The following KLHL28 variants were observed in gnomAD, a reference collection of about 807,000 sequenced individuals.
KLHL28 encodes the protein kelch-like protein 28.
Under a neutral mutation model 48.3 loss-of-function variants are expected in KLHL28, and 22 were observed. The observed-to-expected ratio is 0.46, with a 90% CI of 0.33 to 0.65. KLHL28 has a LOEUF of 0.65. KLHL28 is among the 30% of genes least tolerant of loss of function. The probability of loss-of-function intolerance (pLI) is 0.03; values close to 1 mark genes in which losing one functional copy is unlikely to be tolerated. For synonymous variants in KLHL28, 243 were observed against 242.4 expected (o/e 1.00, Z -0.02); for missense variants, 527 against 704.3 (o/e 0.75, Z 2.85).
chr14:44,952,016 G>A (rs1209342565), intron 1 of KLHL28, among the ~76,000 whole-genome samples: 3 of 151,866 alleles, frequency 2.0e-5, no homozygotes, highest in African/African-American at 4.8e-5. Flanking sequence ...ACATCACCAC[G>A]CCCGACTAGT....
intron 1 of KLHL28, among the ~76,000 whole-genome samples, chr14:44,958,562 G>A (rs1008473872): frequency 6.6e-6 from 1 of 152,040 alleles, no homozygotes; most frequent in African/African-American, 2.4e-5. Flanking sequence ...TTCTATCAGT[G>A]AGCCTATGGA....
intron 1 of KLHL28, among the ~76,000 whole-genome samples, chr14:44,946,825 G>C (rs925019040): frequency 6.6e-6 from 1 of 151,990 alleles, no homozygotes; most frequent in Non-Finnish European, 1.5e-5. Context: ...CAAAGTGCGG[G>C]GATTACAGGC....
rs1396810570 is a variant in KLHL28, at chr14:44,924,372, C to A, written c.*4656G>T. 6.6e-6 allele frequency: 1 copy of A among 152,074 alleles called. No homozygotes were observed. Among genetic ancestry groups the A allele is most frequent in the Non-Finnish European group, 1.5e-5 (1 of 67,996 alleles). 9.4% of individuals were successfully genotyped at this position (152,074 alleles called of 1,614,324 possible). ...ACATTTTACATTAAATGAAATTTAA[C>A]CATAATAATTACAGAACATTACCAC... On this transcript the variant is annotated 3_prime_UTR_variant, in exon 5 of 5. Transcript: ENST00000396128.
intron 2 of KLHL28, among the ~76,000 whole-genome samples, chr14:44,939,970 A>C: frequency 6.6e-6 from 1 of 152,290 alleles, no homozygotes; most frequent in South Asian, 2.1e-4. Flanking sequence ...TCTGCTGCTA[A>C]TACAAAATAC....
intron 1 of KLHL28, chr14:44,960,805 T>A (rs1398105847): frequency 1.9e-6 from 1 of 530,610 alleles, no homozygotes; most frequent in Non-Finnish European, 3.0e-6. Context: ...TTGCATCAGC[T>A]GGGAGCATTA....
chr14:44,950,753 C>G (rs567764745), intron 1 of KLHL28, among the ~76,000 whole-genome samples: 2 of 152,260 alleles, frequency 1.3e-5, no homozygotes, highest in South Asian at 2.1e-4. Context: ...ATATGCCTTT[C>G]TATGTGCTGG....
chr14:44,934,556 A>C lies in KLHL28; in HGVS notation c.902T>G (p.Val301Gly). 1 of 1,555,406 alleles carries C rather than the reference A, an allele frequency of 6.4e-7. No homozygotes were observed. The change falls in exon 3 of 5, where the codon GTG (valine) becomes GGG (glycine). Residue 301 changes from valine to glycine, a missense_variant and splice_region_variant. Transcript: ENST00000396128. Reference protein sequence around the residue: ...KSGLFACLDSVEMYFPQNDSW... With the variant: ...KSGLFACLDSGEMYFPQNDSW... ...GTCATTCTGAGGAAAGTACATCTCC[A>C]CACTAAAGAATAAGCAGAAAAAATA... is the stretch of plus-strand genomic sequence containing the variant.
intron 4 of KLHL28, among the ~76,000 whole-genome samples, chr14:44,930,418 C>T (rs1211150072): frequency 6.6e-6 from 1 of 152,080 alleles, no homozygotes; most frequent in Non-Finnish European, 1.5e-5. Context: ...GCATGTGCCA[C>T]CGCACCAGGC....
At chr14:44,938,219 C>T (rs1362131400) in intron 2 of KLHL28, among the ~76,000 whole-genome samples, 1 of 152,158 alleles carries the variant, frequency 6.6e-6, no homozygotes, top group Non-Finnish European at 1.5e-5. Context: ...TCCCTTCCTG[C>T]TGTGAGCCTG....
rs1450831500 is a variant in KLHL28, at chr14:44,929,193, T to C, written c.1553-2A>G. The C allele has an allele frequency of 1.3e-6, 2 of 1,591,984 alleles. No homozygotes were observed. Among genetic ancestry groups the C allele is most frequent in the Admixed American group, 1.8e-5 (1 of 56,852 alleles). On this transcript the variant is annotated splice_acceptor_variant, in intron 4 of 4. Coordinates refer to ENST00000396128, the MANE Select transcript of KLHL28 (RefSeq NM_017658.5). LOFTEE classifies it high-confidence loss of function. The stretch of plus-strand genomic sequence containing the variant: ...TATCGATTACAGCAGCACCAACTCC[T>C]AGGAAAGGTTGGCAAAAAGAAGATA...
Position 44,928,871 on chromosome 14 carries a change from T to G in KLHL28, c.*157A>C. On this transcript the variant is annotated 3_prime_UTR_variant, in exon 5 of 5. Transcript: ENST00000396128. ...TGTAATCAAGAGCAACCAAAACTAC[T>G]TCTCAATTAAAAGTACCCAACAAAA... 1 of 564,744 alleles carries G rather than the reference T, an allele frequency of 1.8e-6. No homozygotes were observed. Among genetic ancestry groups the G allele is most frequent in the Non-Finnish European group, 3.1e-6 (1 of 322,400 alleles). 35.0% of individuals were successfully genotyped at this position (564,744 alleles called of 1,614,324 possible).
chr14:44,936,567 G>A (rs544142881), intron 2 of KLHL28, among the ~76,000 whole-genome samples: 1 of 152,266 alleles, frequency 6.6e-6, no homozygotes, highest in South Asian at 2.1e-4. Context: ...AGCAGAAGGT[G>A]TCAGACATGA....
rs1468359428 is a variant in KLHL28, at chr14:44,928,607, A to G, written c.*421T>C. On this transcript the variant is annotated 3_prime_UTR_variant, in exon 5 of 5. Transcript: ENST00000396128. The stretch of plus-strand genomic sequence containing the variant: ...AAGAAGCAGTATCAGCACTCTGTCC[A>G]TTCATTCAATACACTCCAGCACCTA... 1 of 151,842 alleles carries G rather than the reference A, an allele frequency of 6.6e-6. No individual in the cohort carries two copies. The highest frequency in any genetic ancestry group is 1.5e-5 in the Non-Finnish European group (1 of 68,234). The allele number at this position is 151,842 out of a possible 1,614,324, so 9.4% of individuals were successfully genotyped here. A position where few individuals can be genotyped will look rare whatever the true frequency, so the allele number is the denominator to read the frequency against.
At chr14:44,955,497 G>C (rs1475755011) in intron 1 of KLHL28, among the ~76,000 whole-genome samples, 2 of 152,138 alleles carry the variant, frequency 1.3e-5, no homozygotes, top group East Asian at 1.9e-4. Context: ...AGACACATTT[G>C]GAATCTAAAT....
At chr14:44,937,910 C>T (rs1210880332) in intron 2 of KLHL28, among the ~76,000 whole-genome samples, 9 of 152,150 alleles carry the variant, frequency 5.9e-5, no homozygotes, top group Admixed American at 5.9e-4. Flanking sequence ...TGGTATTAAC[C>T]CCTTCAAGAG....
chr14:44,940,566 C>T (rs1011791168), intron 2 of KLHL28, among the ~76,000 whole-genome samples: 1 of 152,162 alleles, frequency 6.6e-6, no homozygotes, highest in African/African-American at 2.4e-5. Context: ...ACCCAATCCC[C>T]ACTTTCTTCT....
chr14:44,955,068 T>G lies in KLHL28; in HGVS notation c.-1+6778A>C, dbSNP rs200577505. The stretch of plus-strand genomic sequence containing the variant: ...AAAGCAAATGAGTAATGATATGATA[T>G]TCTATCAACCCTAGGGTCACTGTGA... On this transcript the variant is annotated intron_variant, in intron 1 of 4. Coordinates refer to ENST00000396128, the MANE Select transcript of KLHL28 (RefSeq NM_017658.5). Among the ~76,000 whole-genome samples the G allele has an allele frequency of 3.9e-5, 6 of 152,098 alleles. No homozygotes were observed. The East Asian group carries it at 7.7e-4, about 20-fold the overall frequency.
At position 44,928,861 on chromosome 14, in the gene KLHL28, C is replaced by A; in HGVS notation, c.*167G>T. 2 of 530,256 alleles carry A rather than the reference C, an allele frequency of 3.8e-6. No homozygotes were observed. Among genetic ancestry groups the A allele is most frequent in the Non-Finnish European group, 3.3e-6 (1 of 301,708 alleles). 32.8% of individuals were successfully genotyped at this position (530,256 alleles called of 1,614,324 possible). On this transcript the variant is annotated 3_prime_UTR_variant, in exon 5 of 5. Coordinates refer to ENST00000396128, the MANE Select transcript of KLHL28 (RefSeq NM_017658.5). ...TGATTTACTGTGTAATCAAGAGCAA[C>A]CAAAACTACTTCTCAATTAAAAGTA...
chr14:44,954,011 TAAAG>T (rs1384536673), intron 1 of KLHL28, among the ~76,000 whole-genome samples: 5 of 152,176 alleles, frequency 3.3e-5, no homozygotes, highest in African/African-American at 1.2e-4. Flanking sequence ...AAAAATTGGT[TAAAG>T]AAATGAACAG....
Sources: gnomAD v4.1 joint callset for allele counts (sites outside exome capture counted in the v4.1 genomes callset) on GRCh38, gnomAD v4.1.1 for gene constraint, MANE v1.5 for transcripts, NCBI Gene and HGNC (gene_info 2026-07-23, HGNC 2026-07-21) for gene names.